The following ATP8B3 variants were observed in gnomAD, a reference collection of about 807,000 sequenced individuals.
ATP8B3 encodes phospholipid-transporting ATPase IK.
ATP8B3 carries 141 observed loss-of-function variants against 140.9 expected under a neutral mutation model. That is an observed-to-expected ratio of 1.00 (90% CI 0.87 to 1.15). ATP8B3 has a LOEUF of 1.15. Among genes scored for constraint, ATP8B3 ranks in the 50% most tolerant of loss-of-function variants. ATP8B3 has a pLI of 0.00. For synonymous variants in ATP8B3, 765 were observed against 714.6 expected (o/e 1.07, Z -1.13); for missense variants, 1,874 against 1,740.6 (o/e 1.08, Z -1.36).
At chr19:1,796,311 C>T in intron 16 of ATP8B3, 46 bp from the exon 17 acceptor site, 1 of 1,501,496 alleles carries the variant, frequency 6.7e-7, no homozygotes, top group Non-Finnish European at 9.0e-7. Flanking sequence ...TGGAGCCCGT[C>T]TCCATCTCCA....
intron 3 of ATP8B3, among the ~76,000 whole-genome samples, chr19:1,810,123 G>A (rs2069145926): frequency 6.6e-6 from 1 of 152,248 alleles, no homozygotes; most frequent in Non-Finnish European, 1.5e-5. Flanking sequence ...TGGGCATGCA[G>A]CCCCCAAATC....
chr19:1,793,454 G>A (rs1052857386), intron 18 of ATP8B3, among the ~76,000 whole-genome samples: 7 of 152,204 alleles, frequency 4.6e-5, no homozygotes, highest in East Asian at 1.9e-4. Flanking sequence ...CCACCCACCC[G>A]GTGCCTTCCC....
chr19:1,804,524 C>A (rs374868396), intron 10 of ATP8B3, among the ~76,000 whole-genome samples: 1 of 152,118 alleles, frequency 6.6e-6, no homozygotes, highest in Admixed American at 6.6e-5. Context: ...AGGAGAATGG[C>A]GTGAACCCAG....
At position 1,805,989 on chromosome 19, in the gene ATP8B3, A is replaced by G. The variant is rs949401984; in HGVS notation, c.751-31T>C. On this transcript the variant is annotated intron_variant, in intron 8 of 28. Coordinates refer to ENST00000310127, the MANE Select transcript of ATP8B3 (RefSeq NM_138813.4). The surrounding 1 kb of genome is among the most constrained non-coding windows in gnomAD (Gnocchi z 5.2). ...GTGGAGTGGGGGGCAGCGTTGCAAG[A>G]GGGGATGCAAGACAAATTGGGGGTG... The G allele has an allele frequency of 1.9e-6, 3 of 1,608,966 alleles. No individual in the cohort carries two copies. The highest frequency in any genetic ancestry group is 2.5e-6 in the Non-Finnish European group (3 of 1,178,880).
At position 1,784,930 on chromosome 19, in the gene ATP8B3, C is replaced by T; in HGVS notation, c.3549G>A (p.Val1183=). 1 of 1,611,490 alleles carries T rather than the reference C, an allele frequency of 6.2e-7. No homozygotes were observed. Among genetic ancestry groups the T allele is most frequent in the Non-Finnish European group, 8.5e-7 (1 of 1,178,770 alleles). ...TFPFLYADLS[V]MSSPSILLVV... Reference sequence around the variant, plus strand: ...CCAGCAGGATGGAGGGAGAGGACATCACGCTGAGGTCGGCATCTGGGGACA... The same window carrying T: ...CCAGCAGGATGGAGGGAGAGGACATTACGCTGAGGTCGGCATCTGGGGACA... The change falls in exon 28 of 29, where the codon GTG becomes GTA. Residue 1183 remains valine (V), a synonymous_variant. Coordinates refer to ENST00000310127, the MANE Select transcript of ATP8B3 (RefSeq NM_138813.4).
At position 1,805,827 on chromosome 19, in the gene ATP8B3, G is replaced by T; in HGVS notation, c.821+61C>A. 1.9e-6 allele frequency: 3 copies of T among 1,595,056 alleles called. No homozygotes were observed. In the South Asian group the frequency reaches 3.3e-5, roughly 18 times the overall value. On this transcript the variant is annotated intron_variant, in intron 9 of 28. Coordinates refer to ENST00000310127, the MANE Select transcript of ATP8B3 (RefSeq NM_138813.4). This position sits in a 1 kb window ranked among gnomAD's most constrained non-coding sequence, Gnocchi z 5.2. ...CCGCCTCCTTGGTGACTGGGGAAGG[G>T]GGCTCCTCCGGGCCATGCTCCCCAC...
In ATP8B3 at chr19:1,806,000, GAC is replaced by G; in HGVS notation, c.751-44_751-43del. 6.2e-7 allele frequency: 1 copy of G among 1,611,404 alleles called. No homozygotes were observed. Among genetic ancestry groups the G allele is most frequent in the Non-Finnish European group, 8.5e-7 (1 of 1,179,348 alleles). On this transcript the variant is annotated intron_variant, in intron 8 of 28. Coordinates refer to ENST00000310127, the MANE Select transcript of ATP8B3 (RefSeq NM_138813.4). The surrounding 1 kb of genome is among the most constrained non-coding windows in gnomAD (Gnocchi z 5.2). ...GGCAGCGTTGCAAGAGGGGATGCAA[GAC>G]AAATTGGGGGTGCGGCAGCCCTCCC...
intron 24 of ATP8B3, 106 bp from the exon 25 acceptor site, chr19:1,787,292 A>T: frequency 1.4e-5 from 11 of 792,888 alleles, no homozygotes; most frequent in East Asian, 3.4e-5. Flanking sequence ...ACTCTGGTCG[A>T]GTTACACTCA....
intron 3 of ATP8B3, 142 bp from the exon 4 acceptor site, chr19:1,809,876 C>CCT: frequency 1.4e-6 from 1 of 736,820 alleles, no homozygotes; most frequent in South Asian, 1.6e-5. Flanking sequence ...AACAGACAGT[C>CCT]GGGCAGCAGG....
chr19:1,782,406 T>C lies in ATP8B3; in HGVS notation c.*622A>G. ...CACTCCATGGATGATGATGACTGCT[T>C]CTCCGCGGGCCACAGCTCCACCTCC... On this transcript the variant is annotated 3_prime_UTR_variant, in exon 29 of 29. Coordinates refer to ENST00000310127, the MANE Select transcript of ATP8B3 (RefSeq NM_138813.4). The C allele has an allele frequency of 4.5e-6, 1 of 221,488 alleles. No individual in the cohort carries two copies. The highest frequency in any genetic ancestry group is 8.8e-6 in the Non-Finnish European group (1 of 113,960). The allele number at this position is 221,488 out of a possible 1,614,324, so 13.7% of individuals were successfully genotyped here. A position where few individuals can be genotyped will look rare whatever the true frequency, so the allele number is the denominator to read the frequency against.
In ATP8B3 at chr19:1,802,508, A is replaced by T. The variant is rs761296056; in HGVS notation, c.1042T>A (p.Tyr348Asn). The T allele has an allele frequency of 1.4e-5, 22 of 1,598,330 alleles. No homozygotes were observed. The highest frequency in any genetic ancestry group is 1.7e-5 in the Non-Finnish European group (20 of 1,176,934). ...GTACCAGCATAAATGACCAGTCCAT[A>T]GCAGGTGTCTGTGTTGCGAATCCTG... ...GCRIRNTDTCYGLVIYAGFDT... is the reference protein window; with the variant it reads ...GCRIRNTDTCNGLVIYAGFDT... Residue 348 changes from tyrosine to asparagine, a missense_variant, in exon 11 of 29, where the codon TAT (tyrosine) becomes AAT (asparagine). Tyr to Asn is a moderately radical substitution (Grantham distance 143). This residue lies in a region of ATP8B3 where 1,032 missense variants were observed against 963.6 expected (regional missense o/e 1.07). Transcript: ENST00000310127.
In ATP8B3 at chr19:1,782,225, G is replaced by A; in HGVS notation, c.*803C>T. On this transcript the variant is annotated 3_prime_UTR_variant, in exon 29 of 29. Transcript: ENST00000310127. ...CCCAGGAAGGACATCTTCCTGATATGCCAGCGTGACTCCTTTGGGCTCGAA... is the reference window on the plus strand; with the variant it reads ...CCCAGGAAGGACATCTTCCTGATATACCAGCGTGACTCCTTTGGGCTCGAA... 1 of 302,206 alleles carries A rather than the reference G, an allele frequency of 3.3e-6. No homozygotes were observed. The highest frequency in any genetic ancestry group is 6.3e-6 in the Non-Finnish European group (1 of 158,276). 18.7% of individuals were successfully genotyped at this position (302,206 alleles called of 1,614,324 possible). A position where few individuals can be genotyped will look rare whatever the true frequency, so the allele number is the denominator to read the frequency against.
rs1307218446 is a variant in ATP8B3 at position 1,812,018 on chromosome 19, C to G, written c.-148-134G>C. 2.7e-5 allele frequency: 12 copies of G among 446,344 alleles called. No homozygotes were observed. In the South Asian group the frequency reaches 4.4e-4, roughly 16 times the overall value. 27.6% of individuals were successfully genotyped at this position (446,344 alleles called of 1,614,324 possible). On this transcript the variant is annotated intron_variant, in intron 1 of 28. Transcript: ENST00000310127. The stretch of plus-strand genomic sequence containing the variant: ...GCACAGGACCGCCCTGGACAGGGCT[C>G]CAGAGTCCAGGGCTGTCTGCACCCG...
In ATP8B3 at chr19:1,805,530, A is replaced by T; in HGVS notation, c.822-74T>A. On this transcript the variant is annotated intron_variant, in intron 9 of 28. Transcript: ENST00000310127. The surrounding 1 kb of genome is among the most constrained non-coding windows in gnomAD (Gnocchi z 5.2). The stretch of plus-strand genomic sequence containing the variant: ...CGAGGAGCCCCCAGACCCCTTCTGG[A>T]GTCACTCAAACATTTTCACTGAGCA... 2 of 1,280,088 alleles carry T rather than the reference A, an allele frequency of 1.6e-6. No homozygotes were observed. The highest frequency in any genetic ancestry group is 2.2e-6 in the Non-Finnish European group (2 of 901,504). 79.3% of individuals were successfully genotyped at this position (1,280,088 alleles called of 1,614,324 possible).
At chr19:1,796,902 C>A (rs2068696884) in intron 15 of ATP8B3, 23 bp from the exon 16 acceptor site, 1 of 1,610,492 alleles carries the variant, frequency 6.2e-7, no homozygotes, top group Admixed American at 1.7e-5. Context: ...GGGGCACGGG[C>A]CGGCTGTGGG....
intron 12 of ATP8B3, among the ~76,000 whole-genome samples, chr19:1,801,210 G>A (rs2068838167): frequency 6.6e-6 from 1 of 151,574 alleles, no homozygotes; most frequent in African/African-American, 2.4e-5. Flanking sequence ...GGAGTGCAGT[G>A]GTGCAATCTC....
In ATP8B3 at chr19:1,789,566, C is replaced by T. The variant is rs760839283; in HGVS notation, c.2640G>A (p.Pro880=). The part of the protein sequence containing the change: ...CRRFGLPLAA[P]PAQDSRARRS... ...GGCGGGCTCTGGAGTCCTGGGCTGG[C>T]GGTGCAGCCAGCGGGAGCCCGAACC... is the stretch of plus-strand genomic sequence containing the variant. The change falls in exon 23 of 29, where the codon CCG becomes CCA. Residue 880 remains proline (P), a synonymous_variant. Coordinates refer to ENST00000310127, the MANE Select transcript of ATP8B3 (RefSeq NM_138813.4). 1.9e-6 allele frequency: 3 copies of T among 1,593,846 alleles called. No individual in the cohort carries two copies. Among genetic ancestry groups the T allele is most frequent in the East Asian group, 2.3e-5 (1 of 44,308 alleles).
Position 1,798,610 on chromosome 19 carries a change from C to T in ATP8B3, c.1552+1337G>A, listed in dbSNP as rs550293712. Among the ~76,000 whole-genome samples, 76 of 151,786 alleles carry T rather than the reference C, an allele frequency of 5.0e-4. 3 individuals carry two copies. The highest frequency in any genetic ancestry group is 1.6e-3 in the African/African-American group (66 of 41,274). The stretch of plus-strand genomic sequence containing the variant: ...AAAATTAGCCGGGCGTGGTGGCGGG[C>T]GCCTGTAGTCCCAGCTACTTGGGAG... On this transcript the variant is annotated intron_variant, in intron 14 of 28. Transcript: ENST00000310127.
chr19:1,811,314 G>A (rs953714944), intron 2 of ATP8B3, among the ~76,000 whole-genome samples, 175 bp downstream of exon 2: 2 of 152,182 alleles, frequency 1.3e-5, no homozygotes, highest in African/African-American at 4.8e-5. Context: ...GCAGGTTCAG[G>A]AATGTGGGTC....
Sources: allele counts gnomAD v4.1 joint callset (sites outside exome capture counted in the v4.1 genomes callset), GRCh38; gene constraint gnomAD v4.1.1; regional missense constraint gnomAD v4.1.1; non-coding constraint Gnocchi (gnomAD v3.1); transcripts MANE v1.5; gene names NCBI Gene and HGNC (gene_info 2026-07-23, HGNC 2026-07-21).